The following DNAH5 variants were observed in gnomAD, a reference collection of about 807,000 sequenced individuals.
DNAH5 encodes dynein axonemal heavy chain 5.
DNAH5 carries 372 observed loss-of-function variants against 518.2 expected under a neutral mutation model. The ratio of observed to expected loss-of-function variants is 0.72; its 90% CI spans 0.66 to 0.78. DNAH5 has a LOEUF of 0.78. Among genes scored for constraint, DNAH5 ranks in the 30% least tolerant of loss-of-function variants. The pLI, the probability that DNAH5 is intolerant of heterozygous loss-of-function variation, is 0.00. For synonymous variants in DNAH5, 2,039 were observed against 2,025.9 expected (o/e 1.01, Z -0.17); for missense variants, 5,523 against 5,687.0 (o/e 0.97, Z 0.93).
In DNAH5 at chr5:13,692,015, C is replaced by T. The variant is rs1408568795; in HGVS notation, c.13844G>A (p.Arg4615His). The change falls in exon 79 of 79, where the codon CGT becomes CAT. Residue 4615 changes from arginine to histidine, a missense_variant. Transcript: ENST00000265104. ...GACATCACACAGAAGGGCAACCCCA[C>T]GGAGCACCCAGTGTTCAGGGGTCTG... ...TAQTPEHWVL[R>H]GVALLCDVK The T allele has an allele frequency of 6.8e-6, 11 of 1,614,124 alleles. No homozygotes were observed. The highest frequency in any genetic ancestry group is 2.2e-5 in the East Asian group (1 of 44,874).
chr5:13,759,117 C>T, intron 60 of DNAH5, 134 bp from the exon 61 acceptor site: 1 of 1,181,144 alleles, frequency 8.5e-7, no homozygotes, highest in South Asian at 1.2e-5. Flanking sequence ...CCTTTCAAAT[C>T]ACATTAAGTC....
intron 77 of DNAH5, 73 bp downstream of exon 77, chr5:13,701,211 T>C: frequency 6.3e-7 from 1 of 1,588,446 alleles, no homozygotes; most frequent in African/African-American, 1.3e-5. Flanking sequence ...TTATAGTCTT[T>C]AAAACTATAA....
At chr5:13,956,329 T>A (rs948014356) in intron 1 of DNAH5, among the ~76,000 whole-genome samples, 1 of 152,238 alleles carries the variant, frequency 6.6e-6, no homozygotes, top group Admixed American at 6.5e-5. Flanking sequence ...ATCTGCCATA[T>A]AACAGGTGCT....
rs187551979 is a variant in DNAH5 at position 13,779,750 on chromosome 5, T to C, written c.8951+1079A>G. Among the ~76,000 whole-genome samples the C allele has an allele frequency of 7.6e-4, 115 of 152,254 alleles. 1 individual carries two copies. Among genetic ancestry groups the C allele is most frequent in the African/African-American group, 2.6e-3 (109 of 41,542 alleles). Reference sequence around the variant, plus strand: ...ATAAGAAGCAGCACCATCTAGATAGTTTCCCAAGCCAGAAACCAGGATGCA... The same window carrying C: ...ATAAGAAGCAGCACCATCTAGATAGCTTCCCAAGCCAGAAACCAGGATGCA... On this transcript the variant is annotated intron_variant, in intron 53 of 78. Coordinates refer to ENST00000265104, the MANE Select transcript of DNAH5 (RefSeq NM_001369.3).
intron 65 of DNAH5, among the ~76,000 whole-genome samples, chr5:13,747,921 G>A (rs936057322): frequency 9.9e-5 from 15 of 152,164 alleles, no homozygotes; most frequent in African/African-American, 3.6e-4. Flanking sequence ...TGTTGCCATT[G>A]CTTTTGGTGT....
At chr5:13,782,955 C>T (rs1755412280) in intron 52 of DNAH5, among the ~76,000 whole-genome samples, 1 of 152,190 alleles carries the variant, frequency 6.6e-6, no homozygotes, top group South Asian at 2.1e-4. Flanking sequence ...CACCCTGCCC[C>T]TCAGGAGCTC....
chr5:13,776,973 T>C (rs1754182502), intron 54 of DNAH5, among the ~76,000 whole-genome samples: 1 of 152,234 alleles, frequency 6.6e-6, no homozygotes. Flanking sequence ...TTCTGTTTTT[T>C]TCATTTGTTA....
At chr5:13,705,812 C>T (rs1742708446) in intron 76 of DNAH5, among the ~76,000 whole-genome samples, 1 of 145,442 alleles carries the variant, frequency 6.9e-6, no homozygotes, top group African/African-American at 2.5e-5. Flanking sequence ...TGTGAATGTA[C>T]ACAAGGCAAA....
At position 13,735,863 on chromosome 5, in the gene DNAH5, G is replaced by A; in HGVS notation, c.11525C>T (p.Thr3842Ile). The change falls in exon 67 of 79, where the codon ACT becomes ATT. Residue 3842 changes from threonine to isoleucine, a missense_variant. Around this residue, in one of 3 missense-constraint regions of DNAH5, gnomAD observed 5,121 missense variants for 5,223.3 expected, o/e 0.98. Coordinates refer to ENST00000265104, the MANE Select transcript of DNAH5 (RefSeq NM_001369.3). Reference sequence around the variant, plus strand: ...TAAGCCCAGAAACTGGCGAAGCGAAGTCTGATACATCTCATTAACCAAGCG... The same window carrying A: ...TAAGCCCAGAAACTGGCGAAGCGAAATCTGATACATCTCATTAACCAAGCG... ...EMRLVNEMYQ[T>I]SLRQFLGLFD... 6.2e-7 allele frequency: 1 copy of A among 1,614,174 alleles called. No individual in the cohort carries two copies. Among genetic ancestry groups the A allele is most frequent in the East Asian group, 2.2e-5 (1 of 44,880 alleles).
chr5:13,847,557 T>C (rs551546003), intron 31 of DNAH5, among the ~76,000 whole-genome samples: 2 of 67,780 alleles, frequency 3.0e-5, no homozygotes, highest in African/African-American at 1.2e-4. Context: ...TCGTCTCTAC[T>C]AAAAAAAATG....
Position 13,944,473 on chromosome 5 carries a change from T to G in DNAH5, c.-35A>C. 6.2e-7 allele frequency: 1 copy of G among 1,600,722 alleles called. No individual in the cohort carries two copies. The highest frequency in any genetic ancestry group is 8.5e-7 in the Non-Finnish European group (1 of 1,171,148). On this transcript the variant is annotated 5_prime_UTR_variant, in exon 1 of 79. Coordinates refer to ENST00000265104, the MANE Select transcript of DNAH5 (RefSeq NM_001369.3). ...GCATGGACAGGCTGGAGTCAGCTCT[T>G]CCGGAATGGTCTTCTAACTCCTGGC...
intron 68 of DNAH5, among the ~76,000 whole-genome samples, chr5:13,734,094 G>T (rs1747001230): frequency 6.6e-6 from 1 of 152,026 alleles, no homozygotes; most frequent in South Asian, 2.1e-4. Flanking sequence ...ATTAGATGAG[G>T]TCATGAAGGT....
At chr5:13,784,371 G>C (rs931923133) in intron 52 of DNAH5, among the ~76,000 whole-genome samples, 3 of 152,026 alleles carry the variant, frequency 2.0e-5, no homozygotes, top group African/African-American at 7.2e-5. Flanking sequence ...GTTATTTATA[G>C]TTGGCTTTGG....
At chr5:13,912,126 T>C (rs1276249053) in intron 11 of DNAH5, among the ~76,000 whole-genome samples, 2 of 152,144 alleles carry the variant, frequency 1.3e-5, no homozygotes, top group African/African-American at 4.8e-5. Flanking sequence ...TTTGTTTGCT[T>C]TCAATAATGA....
At chr5:13,740,240 AC>A (rs1355324501) in intron 65 of DNAH5, among the ~76,000 whole-genome samples, 21 of 151,372 alleles carry the variant, frequency 1.4e-4, no homozygotes, top group Admixed American at 8.6e-4. Flanking sequence ...TATCATTGTC[AC>A]CCCCCTCTAA....
chr5:13,798,093 T>C (rs1026303748), intron 47 of DNAH5, among the ~76,000 whole-genome samples: 3 of 151,958 alleles, frequency 2.0e-5, no homozygotes, highest in Non-Finnish European at 4.4e-5. Flanking sequence ...TTAGGAGAAA[T>C]ACCTAATGTA....
intron 1 of DNAH5, among the ~76,000 whole-genome samples, chr5:13,997,203 G>T (rs1784028671): frequency 6.6e-6 from 1 of 152,074 alleles, no homozygotes; most frequent in African/African-American, 2.4e-5. Context: ...TTTAGGTTCT[G>T]CTTCCCTTTT....
intron 75 of DNAH5, among the ~76,000 whole-genome samples, chr5:13,713,711 G>C (rs1391532417): frequency 2.0e-5 from 3 of 150,696 alleles, no homozygotes; most frequent in Non-Finnish European, 4.4e-5. Flanking sequence ...GGGGGGCGAG[G>C]AATAAAAGAT....
At chr5:13,753,836 C>T (rs1009269301) in intron 62 of DNAH5, among the ~76,000 whole-genome samples, 5 of 152,064 alleles carry the variant, frequency 3.3e-5, no homozygotes, top group Admixed American at 3.3e-4. Flanking sequence ...AGAATAAAAC[C>T]TCATAAGACA....
Sources: gnomAD v4.1 joint callset for allele counts (sites outside exome capture counted in the v4.1 genomes callset) on GRCh38, gnomAD v4.1.1 for gene constraint, gnomAD v4.1.1 regional missense constraint, MANE v1.5 for transcripts, NCBI Gene and HGNC (gene_info 2026-07-23, HGNC 2026-07-21) for gene names.